The following C18orf54 variants were observed in gnomAD, a reference collection of about 807,000 sequenced individuals.
C18orf54 encodes chromosome 18 open reading frame 54.
A neutral mutation model predicts 49.3 loss-of-function variants in C18orf54; 49 were observed. The ratio of observed to expected loss-of-function variants is 0.99; its 90% CI spans 0.79 to 1.26. The LOEUF is 1.26. Ranked by LOEUF, C18orf54 falls within the 50% of genes most tolerant of loss-of-function variation. The pLI is 0.00. For missense variants in C18orf54, 687 were observed against 620.6 expected, an observed-to-expected ratio of 1.11 and a Z score of -1.14; for synonymous variants, 211 against 216.6, an observed-to-expected ratio of 0.97 and a Z score of 0.23.
intron 8 of C18orf54, among the ~76,000 whole-genome samples, chr18:54,377,074 G>A (rs1306524671): frequency 3.3e-5 from 5 of 151,796 alleles, no homozygotes; most frequent in African/African-American, 1.2e-4. Flanking sequence ...TGTTGCCCAG[G>A]CTGGAGGCTG....
chr18:54,372,770 C>T (rs946867527), intron 7 of C18orf54, among the ~76,000 whole-genome samples, 173 bp downstream of exon 7: 1 of 151,788 alleles, frequency 6.6e-6, no homozygotes, highest in Middle Eastern at 3.4e-3. Flanking sequence ...ACGTTTAATT[C>T]TGTTTGATTT....
Position 54,360,822 on chromosome 18 carries a change from C to G in C18orf54, c.250C>G (p.Gln84Glu). 1.2e-6 allele frequency: 2 copies of G among 1,612,660 alleles called. No homozygotes were observed. Among genetic ancestry groups the G allele is most frequent in the Admixed American group, 1.7e-5 (1 of 60,018 alleles). ...NIDEDFTNMS[Q>E]FCNYIYKPNN... ...TGATGAGGATTTTACTAATATGTCA[C>G]AGTTCTGCAACTATATTTACAAACC... is the stretch of plus-strand genomic sequence containing the variant. The change falls in exon 3 of 9, where the codon CAG (glutamine) becomes GAG (glutamate). Residue 84 changes from glutamine (Q) to glutamate (E), a missense_variant. By Grantham distance (29) the Gln-to-Glu change is conservative. Transcript: ENST00000620105.
chr18:54,361,121 C>T (rs143950925), intron 3 of C18orf54, among the ~76,000 whole-genome samples: 1 of 152,308 alleles, frequency 6.6e-6, no homozygotes, highest in Non-Finnish European at 1.5e-5. Flanking sequence ...TACTACTTTA[C>T]TTAACACTTG....
chr18:54,372,339 A>G, intron 6 of C18orf54, 127 bp from the exon 7 acceptor site: 1 of 948,932 alleles, frequency 1.1e-6, no homozygotes, highest in African/African-American at 1.7e-5. Context: ...TTTTTAAAAT[A>G]CTTTATTGAC....
At chr18:54,364,940 A>G (rs530099092) in intron 5 of C18orf54, among the ~76,000 whole-genome samples, 1 of 152,214 alleles carries the variant, frequency 6.6e-6, no homozygotes, top group South Asian at 2.1e-4. Context: ...TGTTGTAAGA[A>G]TAAGAGAGAA....
chr18:54,360,749 T>G lies in C18orf54; in HGVS notation c.177T>G (p.Phe59Leu), dbSNP rs761446456. The G allele has an allele frequency of 6.2e-7, 1 of 1,614,046 alleles. No individual in the cohort carries two copies. Among genetic ancestry groups the G allele is most frequent in the Non-Finnish European group, 8.5e-7 (1 of 1,179,896 alleles). Residue 59 changes from phenylalanine (F) to leucine (L), a missense_variant, in exon 3 of 9, where the codon TTT becomes TTG. By Grantham distance (22) the Phe-to-Leu change is conservative (BLOSUM62 0). Coordinates refer to ENST00000620105, the MANE Select transcript of C18orf54 (RefSeq NM_001288980.2). Reference protein sequence around the residue: ...SQALQAYIDDFDLGQIYPGAS... With the variant: ...SQALQAYIDDLDLGQIYPGAS... The stretch of plus-strand genomic sequence containing the variant: ...CTCTACAGGCTTATATTGATGATTT[T>G]GATCTAGGCCAAATATATCCTGGTG...
chr18:54,373,332 A>G (rs1246247980), intron 7 of C18orf54, among the ~76,000 whole-genome samples: 2 of 151,792 alleles, frequency 1.3e-5, no homozygotes, highest in Non-Finnish European at 3.0e-5. Flanking sequence ...TTTTGGGTGT[A>G]CAACATGATG....
intron 5 of C18orf54, 99 bp from the exon 6 acceptor site, chr18:54,365,620 A>C (rs2089364646): frequency 1.4e-5 from 8 of 592,180 alleles, no homozygotes; most frequent in Non-Finnish European, 2.1e-5. Context: ...TTTCTTGGTG[A>C]CTACTTGTAT....
Position 54,363,736 on chromosome 18 carries a change from A to T in C18orf54, c.1223+815A>T, listed in dbSNP as rs746310388. Among the ~76,000 whole-genome samples, 124 of 152,092 alleles carry T rather than the reference A, an allele frequency of 8.2e-4. 1 individual carries two copies. The highest frequency in any genetic ancestry group is 1.1e-3 in the Admixed American group (17 of 15,258). ...TATTGCTAACCCCATATCATGCCTTAGGCTTTGATAATTTATTATCTTTAG... is the reference window on the plus strand; with the variant it reads ...TATTGCTAACCCCATATCATGCCTTTGGCTTTGATAATTTATTATCTTTAG... On this transcript the variant is annotated intron_variant, in intron 5 of 8. Transcript: ENST00000620105.
intron 8 of C18orf54, among the ~76,000 whole-genome samples, chr18:54,375,814 G>A (rs549083557): frequency 6.6e-6 from 1 of 152,092 alleles, no homozygotes; most frequent in South Asian, 2.1e-4. Flanking sequence ...TAATTCTGTT[G>A]TATTAACTGG....
Position 54,362,116 on chromosome 18 carries a change from A to C in C18orf54, c.757A>C (p.Ile253Leu). 1 of 1,537,150 alleles carries C rather than the reference A, an allele frequency of 6.5e-7. No homozygotes were observed. Among genetic ancestry groups the C allele is most frequent in the Non-Finnish European group, 8.7e-7 (1 of 1,146,928 alleles). ...GAAATCTGACCTTAATGTTTCAGGG[A>C]TAACTAGTATACCTGATTTCAAATA... ...SQKSDLNVSG[I>L]TSIPDFKYPV... The change falls in exon 4 of 9, where the codon ATA becomes CTA. Residue 253 changes from isoleucine (I) to leucine (L), a missense_variant. By Grantham distance (5) the Ile-to-Leu change is conservative (BLOSUM62 2). Transcript: ENST00000620105.
At position 54,367,522 on chromosome 18, in the gene C18orf54, T is replaced by A. The variant is rs75792276; in HGVS notation, c.1326+1701T>A. 2.0e-4 allele frequency among the ~76,000 whole-genome samples: 21 copies of A among 102,468 alleles called. No individual in the cohort carries two copies. The East Asian group carries it at 6.5e-3, about 32-fold the overall frequency. The allele number at this position is 102,468 out of a possible 152,430, so 67.2% of individuals were successfully genotyped here. On this transcript the variant is annotated intron_variant, in intron 6 of 8. Transcript: ENST00000620105. ...AGTATCTTGGCTTGCGATTTTTCTT[T>A]TCAGCCCTTTGAATGTATCATCCAT...
At position 54,361,814 on chromosome 18, in the gene C18orf54, A is replaced by T. The variant is rs1281463640; in HGVS notation, c.455A>T (p.Asn152Ile). ...CCGAGTCACCGAACGAGCAAGAAAA[A>T]CAAGAAATGCCGTGGAAGACTGGGT... The part of the protein sequence containing the change: ...VGPSHRTSKK[N>I]KKCRGRLGSL... Residue 152 changes from asparagine (N) to isoleucine (I), a missense_variant, in exon 4 of 9, where the codon AAC becomes ATC. Transcript: ENST00000620105. The T allele has an allele frequency of 6.2e-7, 1 of 1,614,086 alleles. No individual in the cohort carries two copies.
At chr18:54,372,340 C>G in intron 6 of C18orf54, 126 bp from the exon 7 acceptor site, 1 of 958,228 alleles carries the variant, frequency 1.0e-6, no homozygotes. Context: ...TTTTAAAATA[C>G]TTTATTGACA....
rs1160394774 is a variant in C18orf54, at chr18:54,361,633, CG to C, written c.284-9del. 1.3e-6 allele frequency: 2 copies of C among 1,569,154 alleles called. No individual in the cohort carries two copies. The highest frequency in any genetic ancestry group is 1.7e-6 in the Non-Finnish European group (2 of 1,160,856). The stretch of plus-strand genomic sequence containing the variant: ...GTATGTAATAAACAAAACTGTTCTT[CG>C]TTTTTCAGCTTTTGAAAACCTTGAT... On this transcript the variant is annotated splice_polypyrimidine_tract_variant and intron_variant, in intron 3 of 8. Coordinates refer to ENST00000620105, the MANE Select transcript of C18orf54 (RefSeq NM_001288980.2).
chr18:54,371,786 A>G (rs866019426), intron 6 of C18orf54, among the ~76,000 whole-genome samples: 10 of 152,100 alleles, frequency 6.6e-5, no homozygotes, highest in South Asian at 2.1e-4. Flanking sequence ...GTACAGTCCT[A>G]TTTGTTACTT....
chr18:54,359,855 G>A (rs557109875), intron 2 of C18orf54, among the ~76,000 whole-genome samples: 1 of 152,306 alleles, frequency 6.6e-6, no homozygotes, highest in Non-Finnish European at 1.5e-5. Flanking sequence ...TCCTTTGAAA[G>A]AGGTGAGCTG....
At chr18:54,369,649 A>C (rs530912432) in intron 6 of C18orf54, among the ~76,000 whole-genome samples, 18 of 151,876 alleles carry the variant, frequency 1.2e-4, no homozygotes, top group Non-Finnish European at 1.8e-4. Context: ...TTGTATTTTT[A>C]GTAGAGGCAG....
At chr18:54,370,771 C>T (rs778718891) in intron 6 of C18orf54, among the ~76,000 whole-genome samples, 9 of 152,130 alleles carry the variant, frequency 5.9e-5, no homozygotes, top group Non-Finnish European at 7.4e-5. Context: ...TGAAAAGTCA[C>T]TTAGCTCAGA....
Sources: allele counts gnomAD v4.1 joint callset (sites outside exome capture counted in the v4.1 genomes callset), GRCh38; gene constraint gnomAD v4.1.1; transcripts MANE v1.5; gene names NCBI Gene and HGNC (gene_info 2026-07-23, HGNC 2026-07-21).